CDH11: variants seen among roughly 807,000 people sequenced by gnomAD.
The protein encoded by CDH11 is cadherin-11.
A neutral mutation model predicts 67.8 loss-of-function variants in CDH11; 11 were observed. The ratio of observed to expected loss-of-function variants is 0.16; its 90% confidence interval spans 0.10 to 0.27. The LOEUF is 0.27. CDH11 is among the 10% of genes least tolerant of loss of function. CDH11 has a pLI of 1.00. For missense variants in CDH11, 847 were observed against 1,031.2 expected (o/e 0.82, Z 2.45); for synonymous variants, 419 against 400.0 (o/e 1.05, Z -0.57).
chr16:65,077,173 T>C (rs559426447), intron 1 of CDH11, among the ~76,000 whole-genome samples: 16 of 152,320 alleles, frequency 1.1e-4, no homozygotes, highest in Non-Finnish European at 2.1e-4. Context: ...ATAGTAAAGA[T>C]ACCTGCATGT....
chr16:65,088,502 C>T (rs2074739176), intron 1 of CDH11, among the ~76,000 whole-genome samples: 3 of 151,992 alleles, frequency 2.0e-5, no homozygotes. Context: ...AATACTATAC[C>T]ACAAGTAATT....
At chr16:64,963,730 C>T (rs897394177) in intron 11 of CDH11, among the ~76,000 whole-genome samples, 1 of 152,050 alleles carries the variant, frequency 6.6e-6, no homozygotes, top group Middle Eastern at 3.4e-3. Context: ...CCACCTTACC[C>T]GTAGAGGAAT....
chr16:65,104,328 C>T (rs573367151), intron 1 of CDH11, among the ~76,000 whole-genome samples: 10 of 152,252 alleles, frequency 6.6e-5, no homozygotes, highest in African/African-American at 2.4e-4. Flanking sequence ...TTTGGAAACA[C>T]GGAACTTGGA....
intron 11 of CDH11, among the ~76,000 whole-genome samples, chr16:64,967,970 T>C (rs1021487321): frequency 1.3e-5 from 2 of 152,222 alleles, no homozygotes; most frequent in East Asian, 1.9e-4. Context: ...AACCCTAGAT[T>C]AATCCATAAA....
chr16:65,018,951 C>T (rs1459751219), intron 2 of CDH11, among the ~76,000 whole-genome samples: 1 of 152,154 alleles, frequency 6.6e-6, no homozygotes, highest in Admixed American at 6.5e-5. Flanking sequence ...CAAGGAAATC[C>T]AGTTACCTCT....
At chr16:65,051,793 A>C (rs1425946571) in intron 2 of CDH11, among the ~76,000 whole-genome samples, 6 of 152,104 alleles carry the variant, frequency 3.9e-5, no homozygotes, top group Admixed American at 3.9e-4. Context: ...CCACCTTGTG[A>C]AGAAGATGCT....
chr16:65,005,142 G>A, intron 2 of CDH11, 101 bp from the exon 3 acceptor site: 2 of 1,088,126 alleles, frequency 1.8e-6, no homozygotes, highest in South Asian at 6.8e-5. Context: ...TTATCACGTG[G>A]GAGCTACGGG....
chr16:64,954,842 T>C (rs557477196), intron 11 of CDH11, among the ~76,000 whole-genome samples: 2 of 151,762 alleles, frequency 1.3e-5, no homozygotes, highest in East Asian at 3.9e-4. Context: ...TGGTGGCTCA[T>C]GCCTGTAATC....
intron 2 of CDH11, among the ~76,000 whole-genome samples, chr16:65,006,613 G>A (rs1187962400): frequency 2.0e-5 from 3 of 152,180 alleles, no homozygotes; most frequent in Non-Finnish European, 4.4e-5. Flanking sequence ...ACATGCAATA[G>A]GTTCCTTCTT....
At chr16:65,022,606 T>C (rs572454209) in intron 2 of CDH11, among the ~76,000 whole-genome samples, 1 of 152,128 alleles carries the variant, frequency 6.6e-6, no homozygotes, top group South Asian at 2.1e-4. Context: ...GTAAAGAAAA[T>C]GGTGTTACAG....
chr16:64,949,806 T>C (rs973832553), intron 12 of CDH11, among the ~76,000 whole-genome samples: 1 of 152,164 alleles, frequency 6.6e-6, no homozygotes, highest in African/African-American at 2.4e-5. Flanking sequence ...TGCCTCTTCA[T>C]GCATACTTTC....
chr16:64,964,849 T>G (rs182195402), intron 11 of CDH11, among the ~76,000 whole-genome samples: 152 of 152,114 alleles, frequency 1.0e-3, no homozygotes, highest in African/African-American at 3.6e-3. Flanking sequence ...CGCCCAGCCC[T>G]GTAGACTTTA....
Position 64,991,454 on chromosome 16 carries a change from T to C in CDH11, c.811+314A>G, listed in dbSNP as rs141658685. On this transcript the variant is annotated intron_variant, in intron 6 of 12. Transcript: ENST00000268603. ...ATATCCAGGTTAGAAATGAGGACAC[T>C]GAGGCAGAAAAGGGTTAATTAATTA... 591 of 278,530 alleles carry C rather than the reference T, an allele frequency of 2.1e-3. 2 individuals carry two copies. Among genetic ancestry groups the C allele is most frequent in the Non-Finnish European group, 3.2e-3 (453 of 143,424 alleles). 17.3% of individuals were successfully genotyped at this position (278,530 alleles called of 1,614,324 possible). A position where few individuals can be genotyped will look rare whatever the true frequency, so the allele number is the denominator to read the frequency against.
rs560489841 is a variant in CDH11, at chr16:65,121,140, G to A, written c.-298+740C>T. Reference sequence around the variant, plus strand: ...TTCGCCAATCCCAAGCCAGAGGCGAGCCCGAGTCTGGGCCGCTCATGGACC... The same window carrying A: ...TTCGCCAATCCCAAGCCAGAGGCGAACCCGAGTCTGGGCCGCTCATGGACC... On this transcript the variant is annotated intron_variant, in intron 1 of 12. Transcript: ENST00000268603. The surrounding 1 kb of genome is among the most constrained non-coding windows in gnomAD (Gnocchi z 4.1). 5.3e-5 allele frequency among the ~76,000 whole-genome samples: 8 copies of A among 152,280 alleles called. No homozygotes were observed. The South Asian group carries it at 1.7e-3, about 32-fold the overall frequency.
chr16:65,117,910 A>G (rs949449225), intron 1 of CDH11, among the ~76,000 whole-genome samples: 1 of 152,088 alleles, frequency 6.6e-6, no homozygotes, highest in Non-Finnish European at 1.5e-5. Context: ...CTGCTGCTCA[A>G]TGTCAAGTTA....
rs562904125 is a variant in CDH11 at position 65,108,910 on chromosome 16, G to C, written c.-298+12970C>G. ...ACCTATAATCCCAGCACTTTGGGAG[G>C]CTGAGGCAGACGGAGCACTTGAGGT... On this transcript the variant is annotated intron_variant, in intron 1 of 12. Coordinates refer to ENST00000268603, the MANE Select transcript of CDH11 (RefSeq NM_001797.4). Among the ~76,000 whole-genome samples, 3 of 152,240 alleles carry C rather than the reference G, an allele frequency of 2.0e-5. No homozygotes were observed. The South Asian group carries it at 6.2e-4, about 32-fold the overall frequency.
intron 11 of CDH11, among the ~76,000 whole-genome samples, chr16:64,963,811 G>T (rs934152593): frequency 6.6e-6 from 1 of 152,052 alleles, no homozygotes; most frequent in African/African-American, 2.4e-5. Flanking sequence ...AATAATTAAA[G>T]TATTGAGAGA....
intron 1 of CDH11, among the ~76,000 whole-genome samples, chr16:65,098,212 C>T (rs2074932391): frequency 6.6e-6 from 1 of 152,114 alleles, no homozygotes; most frequent in Non-Finnish European, 1.5e-5. Context: ...TCAATATTTA[C>T]TATTGAACCT....
chr16:65,042,829 C>A (rs2073888896), intron 2 of CDH11, among the ~76,000 whole-genome samples: 1 of 152,148 alleles, frequency 6.6e-6, no homozygotes, highest in African/African-American at 2.4e-5. Flanking sequence ...CTCTCCAAAT[C>A]TATTGTGGAC....
Sources: gnomAD v4.1 joint callset for allele counts (sites outside exome capture counted in the v4.1 genomes callset) on GRCh38, gnomAD v4.1.1 for gene constraint, Gnocchi (gnomAD v3.1) non-coding constraint, MANE v1.5 for transcripts, NCBI Gene and HGNC (gene_info 2026-07-23, HGNC 2026-07-21) for gene names.